The following KHSRP variants were observed in gnomAD, a reference collection of about 807,000 sequenced individuals.
KHSRP encodes the protein KH-type splicing regulatory protein, also known as far upstream element-binding protein 2.
KHSRP carries 13 observed loss-of-function variants against 94.9 expected under a neutral mutation model. The ratio of observed to expected loss-of-function variants is 0.14; its 90% confidence interval spans 0.09 to 0.22. The LOEUF (loss-of-function observed/expected upper bound fraction) is 0.22, where lower values mean the gene tolerates loss of function less well. Among genes scored for constraint, KHSRP ranks in the 10% least tolerant of loss-of-function variants. The pLI, the probability that KHSRP is intolerant of heterozygous loss-of-function variation, is 1.00. For synonymous variants in KHSRP, 495 were observed against 401.4 expected, an observed-to-expected ratio of 1.23 and a Z score of -2.79; for missense variants, 710 against 1,010.0, an observed-to-expected ratio of 0.70 and a Z score of 4.03.
At chr19:6,421,833 G>A (rs1373942131) in intron 2 of KHSRP, 145 bp from the exon 3 acceptor site, 12 of 890,870 alleles carry the variant, frequency 1.3e-5, no homozygotes, top group Admixed American at 1.2e-4. Context: ...AGGAGAGACT[G>A]GCCCCTGAGG....
rs2092176199 is a variant in KHSRP at position 6,418,971 on chromosome 19, G to C, written c.606-95C>G. 2 of 1,322,468 alleles carry C rather than the reference G, an allele frequency of 1.5e-6. No individual in the cohort carries two copies. The highest frequency in any genetic ancestry group is 2.0e-6 in the Non-Finnish European group (2 of 991,380). 81.9% of individuals were successfully genotyped at this position (1,322,468 alleles called of 1,614,324 possible). On this transcript the variant is annotated intron_variant, in intron 7 of 18. Transcript: ENST00000600480. This position sits in a 1 kb window ranked among gnomAD's most constrained non-coding sequence, Gnocchi z 4.3. ...CCAGCTCAAAGGGAAGGCGACCCCA[G>C]AGTGTGCAAGGATGACAGGGAAGAG...
At chr19:6,422,922 T>C (rs1422649957) in intron 1 of KHSRP, among the ~76,000 whole-genome samples, 1 of 152,188 alleles carries the variant, frequency 6.6e-6, no homozygotes, top group East Asian at 1.9e-4. Context: ...ATCAATTTAT[T>C]GAATAAATTT....
At position 6,417,471 on chromosome 19, in the gene KHSRP, G is replaced by A. The variant is rs995483750; in HGVS notation, c.1081+268C>T. On this transcript the variant is annotated intron_variant, in intron 11 of 18. Transcript: ENST00000600480. Reference sequence around the variant, plus strand: ...CTGATCCAGCCTGCGGGGCACCCAGGGCTGTCCTGTCAGGATAGGCTCCAT... The same window carrying A: ...CTGATCCAGCCTGCGGGGCACCCAGAGCTGTCCTGTCAGGATAGGCTCCAT... 2.6e-4 allele frequency among the ~76,000 whole-genome samples: 40 copies of A among 152,320 alleles called. 1 individual carries two copies. The highest frequency in any genetic ancestry group is 9.4e-4 in the African/African-American group (39 of 41,568).
In KHSRP at chr19:6,419,110, G is replaced by A. The variant is rs751597562; in HGVS notation, c.605+93C>T. 10 of 1,258,862 alleles carry A rather than the reference G, an allele frequency of 7.9e-6. 1 individual carries two copies. In the South Asian group the frequency reaches 1.3e-4, roughly 16 times the overall value. 78.0% of individuals were successfully genotyped at this position (1,258,862 alleles called of 1,614,324 possible). ...GATGGGGGCAAGAATGGAGGACATG[G>A]CGTGCAAGTTGCTCCCAACTTTCAA... On this transcript the variant is annotated intron_variant, in intron 7 of 18. Coordinates refer to ENST00000600480, the MANE Select transcript of KHSRP (RefSeq NM_001366299.1).
Position 6,415,910 on chromosome 19 carries a change from G to A in KHSRP, c.1599-14C>T, listed in dbSNP as rs2092141984. ...GGCCCCCCGGCACTGCAGGAGAGAA[G>A]AAAGGGATGCTTGAGCAGTGGTGCG... On this transcript the variant is annotated splice_polypyrimidine_tract_variant and intron_variant, in intron 15 of 18. Coordinates refer to ENST00000600480, the MANE Select transcript of KHSRP (RefSeq NM_001366299.1). 5 of 1,474,806 alleles carry A rather than the reference G, an allele frequency of 3.4e-6. No homozygotes were observed. Among genetic ancestry groups the A allele is most frequent in the South Asian group, 1.4e-5 (1 of 72,576 alleles). The allele number at this position is 1,474,806 out of a possible 1,614,324, so 91.4% of individuals were successfully genotyped here.
chr19:6,416,011 C>T (rs1410915204), intron 15 of KHSRP, 115 bp from the exon 16 acceptor site: 5 of 703,548 alleles, frequency 7.1e-6, no homozygotes, highest in Non-Finnish European at 1.2e-5. Flanking sequence ...GACCACCAGG[C>T]TCAACGGGGC....
Position 6,414,065 on chromosome 19 carries a change from A to G in KHSRP, c.*959T>C, listed in dbSNP as rs771631974. 6.2e-6 allele frequency: 9 copies of G among 1,447,272 alleles called. No homozygotes were observed. The highest frequency in any genetic ancestry group is 2.9e-5 in the African/African-American group (2 of 69,412). 89.7% of individuals were successfully genotyped at this position (1,447,272 alleles called of 1,614,324 possible). A position where few individuals can be genotyped will look rare whatever the true frequency, so the allele number is the denominator to read the frequency against. On this transcript the variant is annotated 3_prime_UTR_variant, in exon 19 of 19. Transcript: ENST00000600480. ...GAAGCCCCCAAACAGAACAAAATGG[A>G]AAAAAAAAAGATTTTTCACAGATGA...
intron 1 of KHSRP, 73 bp from the exon 2 acceptor site, chr19:6,422,509 A>C: frequency 4.9e-5 from 54 of 1,096,988 alleles, no homozygotes; most frequent in Non-Finnish European, 6.8e-5. Context: ...TCAACTTCTC[A>C]GAACATCTCC....
chr19:6,415,566 G>T lies in KHSRP; in HGVS notation c.1856C>A (p.Thr619Asn). Residue 619 changes from threonine (T) to asparagine (N), a missense_variant, in exon 17 of 19, where the codon ACT (threonine) becomes AAT (asparagine). This residue lies in a region of KHSRP where 292 missense variants were observed against 340.5 expected (regional missense o/e 0.86). Transcript: ENST00000600480. ...QPPPTGQSDY[T>N]KAWEEYYKKI... is the part of the protein sequence containing the mutation. ...TTTGTAATACTCTTCCCAGGCCTTA[G>T]TGTAGTCCGACTGGCCGGTGGGTGG... The T allele has an allele frequency of 6.6e-7, 1 of 1,526,626 alleles. No individual in the cohort carries two copies. The allele number at this position is 1,526,626 out of a possible 1,614,324, so 94.6% of individuals were successfully genotyped here. A position where few individuals can be genotyped will look rare whatever the true frequency, so the allele number is the denominator to read the frequency against.
rs766109473 is a variant in KHSRP, at chr19:6,421,637, C to A, written c.385+13G>T. The A allele has an allele frequency of 6.2e-7, 1 of 1,613,782 alleles. No individual in the cohort carries two copies. Among genetic ancestry groups the A allele is most frequent in the Non-Finnish European group, 8.5e-7 (1 of 1,179,752 alleles). On this transcript the variant is annotated intron_variant, in intron 3 of 18. Coordinates refer to ENST00000600480, the MANE Select transcript of KHSRP (RefSeq NM_001366299.1). ...TGAAGCCACATATCTGCCACCAGAC[C>A]CCCTGGACTTACAGTCTCCCTGGGA...
intron 3 of KHSRP, 163 bp from the exon 4 acceptor site, chr19:6,421,480 A>T (rs948712666): frequency 2.8e-5 from 27 of 979,948 alleles, no homozygotes; most frequent in African/African-American, 9.8e-5. Flanking sequence ...CACAGAGCTC[A>T]TCTCCCTCAA....
At position 6,424,729 on chromosome 19, in the gene KHSRP, A is replaced by G; in HGVS notation, c.-28T>C. ...CGCGGCGGGGCCGGGCCTGGCGCGG[A>G]GGCTGAAGCTGAGGAGGCGGCGGCG... is the stretch of plus-strand genomic sequence containing the variant. On this transcript the variant is annotated 5_prime_UTR_variant, in exon 1 of 19. Transcript: ENST00000600480. 2.0e-6 allele frequency: 2 copies of G among 1,010,534 alleles called. No homozygotes were observed. Among genetic ancestry groups the G allele is most frequent in the Non-Finnish European group, 2.4e-6 (2 of 838,846 alleles). 62.6% of individuals were successfully genotyped at this position (1,010,534 alleles called of 1,614,324 possible). A position where few individuals can be genotyped will look rare whatever the true frequency, so the allele number is the denominator to read the frequency against.
intron 7 of KHSRP, 38 bp downstream of exon 7, chr19:6,419,165 C>A (rs1225648560): frequency 6.5e-7 from 1 of 1,542,850 alleles, no homozygotes; most frequent in South Asian, 1.2e-5. Flanking sequence ...CTTCTGCCTG[C>A]CCCCCACATC....
At chr19:6,420,761 C>A (rs767803272) in intron 4 of KHSRP, among the ~76,000 whole-genome samples, 2 of 152,216 alleles carry the variant, frequency 1.3e-5, no homozygotes, top group Non-Finnish European at 2.9e-5. Context: ...GCTGTATGTC[C>A]TTTTCATCTT....
At position 6,415,907 on chromosome 19, in the gene KHSRP, G is replaced by C; in HGVS notation, c.1599-11C>G. On this transcript the variant is annotated splice_polypyrimidine_tract_variant and intron_variant, in intron 15 of 18. Transcript: ENST00000600480. ...GGGGGCCCCCCGGCACTGCAGGAGA[G>C]AAGAAAGGGATGCTTGAGCAGTGGT... The C allele has an allele frequency of 1.4e-6, 2 of 1,479,900 alleles. No individual in the cohort carries two copies. Among genetic ancestry groups the C allele is most frequent in the Admixed American group, 2.5e-5 (1 of 40,184 alleles). The allele number at this position is 1,479,900 out of a possible 1,614,324, so 91.7% of individuals were successfully genotyped here. A position where few individuals can be genotyped will look rare whatever the true frequency, so the allele number is the denominator to read the frequency against.
intron 4 of KHSRP, 59 bp downstream of exon 4, chr19:6,421,219 G>A (rs2092193022): frequency 6.7e-7 from 1 of 1,502,892 alleles, no homozygotes; most frequent in African/African-American, 1.4e-5. Context: ...CAAGTCAGCA[G>A]AAAGGCCAGT....
chr19:6,414,412 C>T lies in KHSRP; in HGVS notation c.*612G>A, dbSNP rs1318684139. 9 of 1,273,690 alleles carry T rather than the reference C, an allele frequency of 7.1e-6. No homozygotes were observed. Among genetic ancestry groups the T allele is most frequent in the South Asian group, 2.7e-5 (1 of 36,886 alleles). The allele number at this position is 1,273,690 out of a possible 1,614,324, so 78.9% of individuals were successfully genotyped here. On this transcript the variant is annotated 3_prime_UTR_variant, in exon 19 of 19. Coordinates refer to ENST00000600480, the MANE Select transcript of KHSRP (RefSeq NM_001366299.1). ...GGTCGTAGGGGAGCTGCCCTGTCTC[C>T]GGAGGGCGGTGGCTCCCGGCGCAGC...
rs1045274230 is a variant in KHSRP at position 6,414,295 on chromosome 19, G to A, written c.*729C>T. ...TTGTTAACTGTCTAGCCAGGTGCTC[G>A]CGGGACTCGCTGAAGTCACGCTGCT... On this transcript the variant is annotated 3_prime_UTR_variant, in exon 19 of 19. Transcript: ENST00000600480. 132 of 1,394,362 alleles carry A rather than the reference G, an allele frequency of 9.5e-5. No individual in the cohort carries two copies. The highest frequency in any genetic ancestry group is 9.4e-4 in the East Asian group (35 of 37,176). 86.4% of individuals were successfully genotyped at this position (1,394,362 alleles called of 1,614,324 possible).
rs28400347 is a variant in KHSRP, at chr19:6,416,541, A to G, written c.1437T>C (p.Gly479=). 1,373 of 1,613,664 alleles carry G rather than the reference A, an allele frequency of 8.5e-4. 10 individuals are homozygous for G. The African/African-American group carries it at 0.016, about 19-fold the overall frequency. The stretch of plus-strand genomic sequence containing the variant: ...TGGCGTGGTCAATCTGCTGGGGTGA[A>G]CCCCGGATGATGAACAACTTGAAGT... ...DPNFKLFIIR[G]SPQQIDHAKQ... is the part of the protein sequence containing the mutation. The change falls in exon 14 of 19, where the codon GGT becomes GGC. Residue 479 remains glycine, a synonymous_variant. Transcript: ENST00000600480.
Sources: allele counts gnomAD v4.1 joint callset (sites outside exome capture counted in the v4.1 genomes callset), GRCh38; gene constraint gnomAD v4.1.1; regional missense constraint gnomAD v4.1.1; non-coding constraint Gnocchi (gnomAD v3.1); transcripts MANE v1.5; gene names NCBI Gene and HGNC (gene_info 2026-07-23, HGNC 2026-07-21).